ZBTB16: variants seen among roughly 807,000 people sequenced by gnomAD.
ZBTB16 encodes zinc finger and BTB domain containing 16, also known as zinc finger and BTB domain-containing protein 16.
In ZBTB16, 8 loss-of-function variants were observed where a neutral mutation model predicts 56.8. The ratio of observed to expected loss-of-function variants is 0.14; its 90% confidence interval spans 0.08 to 0.25. ZBTB16 has a LOEUF of 0.25. ZBTB16 is among the 10% of genes least tolerant of loss of function. The probability of loss-of-function intolerance (pLI) is 1.00; values close to 1 mark genes in which losing one functional copy is unlikely to be tolerated. For synonymous variants in ZBTB16, 363 were observed against 368.5 expected (o/e 0.98, Z 0.17); for missense variants, 625 against 903.0 (o/e 0.69, Z 3.95).
In ZBTB16 at chr11:114,253,803, C is replaced by A. The variant is rs1293293729; in HGVS notation, c.*3248C>A. Among the ~76,000 whole-genome samples the A allele has an allele frequency of 1.3e-5, 2 of 152,220 alleles. No individual in the cohort carries two copies. The highest frequency in any genetic ancestry group is 4.8e-5 in the African/African-American group (2 of 41,454). On this transcript the variant is annotated 3_prime_UTR_variant, in exon 7 of 7. Transcript: ENST00000335953. ...GCCAGGGGGCAAGCTAAGAGGCTGT[C>A]TGGAGGCTTTATATGTGTCTGGAGT... is the stretch of plus-strand genomic sequence containing the variant.
intron 4 of ZBTB16, among the ~76,000 whole-genome samples, chr11:114,236,521 C>G (rs937208123): frequency 1.3e-5 from 2 of 152,188 alleles, no homozygotes; most frequent in Non-Finnish European, 2.9e-5. Flanking sequence ...GCCCACCAGA[C>G]AGACACGGGG....
At chr11:114,228,021 A>G (rs1944364803) in intron 4 of ZBTB16, among the ~76,000 whole-genome samples, 1 of 152,076 alleles carries the variant, frequency 6.6e-6, no homozygotes, top group African/African-American at 2.4e-5. Flanking sequence ...CCAACTCCCC[A>G]TTCCTTCCCT....
intron 3 of ZBTB16, among the ~76,000 whole-genome samples, chr11:114,174,172 C>A (rs1027155651): frequency 6.6e-6 from 1 of 152,202 alleles, no homozygotes; most frequent in African/African-American, 2.4e-5. Context: ...AGTCTAGACC[C>A]TGTGCTGCTC....
At chr11:114,137,663 A>G (rs1320565427) in intron 2 of ZBTB16, among the ~76,000 whole-genome samples, 5 of 152,026 alleles carry the variant, frequency 3.3e-5, no homozygotes, top group Non-Finnish European at 7.4e-5. Context: ...TGGAAGGGAG[A>G]TGAAGTTACC....
intron 4 of ZBTB16, among the ~76,000 whole-genome samples, chr11:114,191,703 A>C (rs1279907618): frequency 1.3e-5 from 2 of 152,204 alleles, no homozygotes; most frequent in African/African-American, 4.8e-5. Flanking sequence ...TTTAAGACAA[A>C]ATTGTCTAAT....
intron 2 of ZBTB16, among the ~76,000 whole-genome samples, chr11:114,112,560 C>A (rs990830612): frequency 6.6e-6 from 1 of 152,090 alleles, no homozygotes; most frequent in African/African-American, 2.4e-5. Context: ...CGTCAAAACA[C>A]CCCTTCTGTC....
intron 4 of ZBTB16, among the ~76,000 whole-genome samples, chr11:114,203,326 A>G (rs1943777682): frequency 6.6e-6 from 1 of 152,140 alleles, no homozygotes; most frequent in Admixed American, 6.5e-5. Context: ...ACTAATGGGT[A>G]TGTGGTTCCT....
At chr11:114,239,662 G>A (rs1405899372) in intron 4 of ZBTB16, among the ~76,000 whole-genome samples, 1 of 152,102 alleles carries the variant, frequency 6.6e-6, no homozygotes, top group African/African-American at 2.4e-5. Flanking sequence ...GGCTCCCAGT[G>A]GGATTGGAAG....
chr11:114,222,929 T>C (rs569715982), intron 4 of ZBTB16, among the ~76,000 whole-genome samples: 2 of 152,294 alleles, frequency 1.3e-5, no homozygotes, highest in South Asian at 4.1e-4. Flanking sequence ...CTTATGTGCC[T>C]GAGGGCAGCT....
At chr11:114,106,528 T>C (rs1243533966) in intron 2 of ZBTB16, among the ~76,000 whole-genome samples, 2 of 151,572 alleles carry the variant, frequency 1.3e-5, no homozygotes, top group Admixed American at 6.6e-5. Flanking sequence ...TTGAATGCAG[T>C]GGCACGATCT....
chr11:114,133,950 G>C (rs1941734392), intron 2 of ZBTB16, among the ~76,000 whole-genome samples: 1 of 152,204 alleles, frequency 6.6e-6, no homozygotes, highest in South Asian at 2.1e-4. Context: ...CTCCCATGGA[G>C]GTGGGCTCAG....
intron 6 of ZBTB16, among the ~76,000 whole-genome samples, chr11:114,249,846 C>T (rs1565709816): frequency 6.6e-6 from 1 of 150,578 alleles, no homozygotes; most frequent in Non-Finnish European, 1.5e-5. Flanking sequence ...GACTGGGTTC[C>T]CTCAATTTCC....
At chr11:114,181,956 A>G (rs992464125) in intron 3 of ZBTB16, among the ~76,000 whole-genome samples, 1 of 152,286 alleles carries the variant, frequency 6.6e-6, no homozygotes, top group South Asian at 2.1e-4. Flanking sequence ...TGCTCTATGC[A>G]GATGTCAGTG....
At chr11:114,246,925 G>T (rs571422592) in intron 5 of ZBTB16, 23 of 503,028 alleles carry the variant, frequency 4.6e-5, no homozygotes, top group Middle Eastern at 5.5e-4. Flanking sequence ...GCTTTCTGGG[G>T]ACTGCTGTCC....
chr11:114,110,432 G>A (rs1012615883), intron 2 of ZBTB16, among the ~76,000 whole-genome samples: 2 of 152,202 alleles, frequency 1.3e-5, no homozygotes, highest in Non-Finnish European at 2.9e-5. Flanking sequence ...CCTTTGCCCA[G>A]CCAGTAAACT....
At chr11:114,172,915 A>G (rs913441832) in intron 3 of ZBTB16, among the ~76,000 whole-genome samples, 1 of 152,138 alleles carries the variant, frequency 6.6e-6, no homozygotes, top group African/African-American at 2.4e-5. Context: ...AATAGGCATT[A>G]AGTGTGGCAG....
chr11:114,217,722 AT>A (rs1369800355), intron 4 of ZBTB16, among the ~76,000 whole-genome samples: 1 of 152,142 alleles, frequency 6.6e-6, no homozygotes, highest in African/African-American at 2.4e-5. Context: ...ACCTGGACAG[AT>A]GGCGGGGCAT....
intron 4 of ZBTB16, among the ~76,000 whole-genome samples, chr11:114,217,970 C>T (rs1944144496): frequency 6.6e-6 from 1 of 152,222 alleles, no homozygotes; most frequent in Non-Finnish European, 1.5e-5. Context: ...GGAGCGCTCT[C>T]CTGGCCCAGC....
intron 3 of ZBTB16, among the ~76,000 whole-genome samples, chr11:114,183,338 C>T (rs968885064): frequency 3.3e-5 from 5 of 152,156 alleles, no homozygotes; most frequent in Admixed American, 2.6e-4. Context: ...CCGAGGCAGC[C>T]GCCTTTACTG....
Sources: gnomAD v4.1 joint callset for allele counts (sites outside exome capture counted in the v4.1 genomes callset) on GRCh38, gnomAD v4.1.1 for gene constraint, MANE v1.5 for transcripts, NCBI Gene and HGNC (gene_info 2026-07-23, HGNC 2026-07-21) for gene names.